Variants in NCOR1 observed in about 807,000 individuals in gnomAD.
NCOR1 encodes protein phosphatase 1, regulatory subunit 109.
Under a neutral mutation model 288.1 loss-of-function variants are expected in NCOR1, and 63 were observed. The ratio of observed to expected loss-of-function variants is 0.22; its 90% CI spans 0.18 to 0.27. The LOEUF (loss-of-function observed/expected upper bound fraction) is 0.27. Among genes scored for constraint, NCOR1 ranks in the 10% least tolerant of loss-of-function variants. The pLI, the probability that NCOR1 is intolerant of heterozygous loss-of-function variation, is 1.00. For synonymous variants in NCOR1, 1,007 were observed against 1,065.9 expected (o/e 0.94, Z 1.08); for missense variants, 2,397 against 3,019.2 (o/e 0.79, Z 4.83).
chr17:16,117,797 G>A, intron 18 of NCOR1, 91 bp downstream of exon 18: 1 of 1,356,080 alleles, frequency 7.4e-7, no homozygotes, highest in Non-Finnish European at 1.0e-6. Flanking sequence ...ACTCTAGCCT[G>A]GGTGATAGAG....
At chr17:16,175,035 T>C (rs7209928) in intron 3 of NCOR1, among the ~76,000 whole-genome samples, 1 of 128,578 alleles carries the variant, frequency 7.8e-6, no homozygotes, top group African/African-American at 3.0e-5. Flanking sequence ...AACTGTGGTA[T>C]AAAAAAAAAA....
At chr17:16,214,456 AATATAATTAGG>A (rs1342889582) in intron 1 of NCOR1, among the ~76,000 whole-genome samples, 3 of 152,210 alleles carry the variant, frequency 2.0e-5, no homozygotes, top group African/African-American at 7.2e-5. Flanking sequence ...TGTAAATTTC[AATATAATTAGG>A]ATATAATTAG....
In NCOR1 at chr17:16,068,860, C is replaced by T. The variant is rs529165055; in HGVS notation, c.4514-739G>A. Among the ~76,000 whole-genome samples, 10 of 151,918 alleles carry T rather than the reference C, an allele frequency of 6.6e-5. No homozygotes were observed. In the South Asian group the frequency reaches 1.3e-3, roughly 19 times the overall value. On this transcript the variant is annotated intron_variant, in intron 31 of 45. Coordinates refer to ENST00000268712, the MANE Select transcript of NCOR1 (RefSeq NM_006311.4). ...TCCCAAGTAGCTGGGACTACAGGAG[C>T]GCGCCACCATGCACGGCTAATTGTT...
Position 16,073,509 on chromosome 17 carries a change from T to C in NCOR1, c.3731A>G (p.Lys1244Arg), listed in dbSNP as rs2062006381. The change falls in exon 28 of 46, where the codon AAG becomes AGG. Residue 1244 changes from lysine (K) to arginine (R), a missense_variant. By Grantham distance (26) the Lys-to-Arg change is conservative. Around this residue, in one of 11 missense-constraint regions of NCOR1, gnomAD observed 1,872 missense variants for 2,187.8 expected, o/e 0.86. Transcript: ENST00000268712. ...SPRTAHEISL[K>R]RSYESVEGNI... ...TCCTTCCACTGATTCATAGCTTCTC[T>C]TTAAACTGATTTCATGAGCTGTTCT... The C allele has an allele frequency of 3.1e-6, 5 of 1,612,466 alleles. No homozygotes were observed. Among genetic ancestry groups the C allele is most frequent in the Non-Finnish European group, 4.2e-6 (5 of 1,179,208 alleles).
rs1215783962 is a variant in NCOR1 at position 16,143,729 on chromosome 17, A to G, written c.1083-33T>C. On this transcript the variant is annotated intron_variant, in intron 10 of 45. Transcript: ENST00000268712. ...TGAGGGAGAAATTAAAAATATATTTAAAGACCTTATATAAAGACATATCAA... is the reference window on the plus strand; with the variant it reads ...TGAGGGAGAAATTAAAAATATATTTGAAGACCTTATATAAAGACATATCAA... The G allele has an allele frequency of 4.0e-6, 6 of 1,482,252 alleles. No individual in the cohort carries two copies. In the South Asian group the frequency reaches 7.2e-5, roughly 18 times the overall value. 91.8% of individuals were successfully genotyped at this position (1,482,252 alleles called of 1,614,324 possible).
rs116484628 is a variant in NCOR1 at position 16,035,330 on chromosome 17, C to T, written c.6956-386G>A. 5.4e-3 allele frequency among the ~76,000 whole-genome samples: 821 copies of T among 152,246 alleles called. 5 individuals are homozygous for T. Among genetic ancestry groups the T allele is most frequent in the African/African-American group, 0.019 (779 of 41,512 alleles). On this transcript the variant is annotated intron_variant, in intron 44 of 45. Transcript: ENST00000268712. ...GATCCCTCAAACCCTTCTTTATTAACTGGGTTTATGTAATGTAGTATTCTA... is the reference window on the plus strand; with the variant it reads ...GATCCCTCAAACCCTTCTTTATTAATTGGGTTTATGTAATGTAGTATTCTA...
At chr17:16,064,659 A>G (rs1046104272) in intron 34 of NCOR1, among the ~76,000 whole-genome samples, 21 of 152,168 alleles carry the variant, frequency 1.4e-4, no homozygotes, top group Admixed American at 1.4e-3. Context: ...TTTTATTAAG[A>G]GTCCTGGATA....
chr17:16,108,255 C>A, intron 19 of NCOR1: 2 of 330,584 alleles, frequency 6.0e-6, no homozygotes, highest in South Asian at 2.7e-5. Flanking sequence ...TTTTTTCTTA[C>A]CAAAAAAATC....
intron 35 of NCOR1, among the ~76,000 whole-genome samples, chr17:16,062,577 T>G (rs1451115435): frequency 1.3e-5 from 2 of 152,224 alleles, no homozygotes; most frequent in Non-Finnish European, 2.9e-5. Flanking sequence ...CAAGAAGTAC[T>G]ACTACAAATC....
At chr17:16,074,731 G>C (rs2062192030) in intron 27 of NCOR1, among the ~76,000 whole-genome samples, 1 of 149,660 alleles carries the variant, frequency 6.7e-6, no homozygotes, top group African/African-American at 2.6e-5. Flanking sequence ...TCACATTTGA[G>C]TCATTCTTAT....
At chr17:16,169,974 G>T (rs994733328) in intron 4 of NCOR1, among the ~76,000 whole-genome samples, 3 of 152,014 alleles carry the variant, frequency 2.0e-5, no homozygotes, top group African/African-American at 7.2e-5. Flanking sequence ...TTACGGCAAA[G>T]AATTTTTCCC....
chr17:16,115,371 C>A (rs1332166908), intron 18 of NCOR1, among the ~76,000 whole-genome samples: 2 of 152,176 alleles, frequency 1.3e-5, no homozygotes, highest in Non-Finnish European at 2.9e-5. Flanking sequence ...ATATTCAGCT[C>A]CTCATTACTT....
intron 9 of NCOR1, among the ~76,000 whole-genome samples, chr17:16,147,041 A>T (rs1054298789): frequency 2.0e-5 from 3 of 152,240 alleles, no homozygotes; most frequent in African/African-American, 7.2e-5. Context: ...ATTTTTTGCT[A>T]TAATAAATAA....
intron 2 of NCOR1, 93 bp from the exon 3 acceptor site, chr17:16,186,780 A>C: frequency 9.0e-7 from 1 of 1,107,178 alleles, no homozygotes. Flanking sequence ...TGGGCCACTA[A>C]GTATGGAAAG....
At chr17:16,120,278 T>G (rs1437149511) in intron 16 of NCOR1, among the ~76,000 whole-genome samples, 1 of 152,156 alleles carries the variant, frequency 6.6e-6, no homozygotes, top group Admixed American at 6.5e-5. Context: ...TGCTATCAGT[T>G]AACTTCCAAA....
intron 14 of NCOR1, among the ~76,000 whole-genome samples, chr17:16,132,840 G>A (rs1038797777): frequency 1.1e-4 from 16 of 143,730 alleles, no homozygotes; most frequent in Non-Finnish European, 1.8e-4. Context: ...TGGGATTCTA[G>A]GCATGAGCCA....
chr17:16,195,043 AG>A (rs768550613), intron 1 of NCOR1, among the ~76,000 whole-genome samples: 1 of 152,240 alleles, frequency 6.6e-6, no homozygotes, highest in Non-Finnish European at 1.5e-5. Context: ...ATTTGTGCAG[AG>A]GGAAGTATTG....
intron 4 of NCOR1, among the ~76,000 whole-genome samples, chr17:16,167,371 C>T (rs1268936063): frequency 2.6e-5 from 4 of 151,382 alleles, no homozygotes; most frequent in Non-Finnish European, 5.9e-5. Flanking sequence ...AGATTCTTAC[C>T]TCATATCTTA....
In NCOR1 at chr17:16,098,101, G is replaced by A. The variant is rs114848816; in HGVS notation, c.2820+266C>T. On this transcript the variant is annotated intron_variant, in intron 21 of 45. Transcript: ENST00000268712. ...AGAACAGTGGTTACCAGTGGCAAGC[G>A]GCAGGAGGAAGAGAGGAGTTGTTTA... is the stretch of plus-strand genomic sequence containing the variant. Among the ~76,000 whole-genome samples, 1,485 of 152,276 alleles carry A rather than the reference G, an allele frequency of 9.8e-3. 22 individuals carry two copies. The highest frequency in any genetic ancestry group is 0.034 in the African/African-American group (1,393 of 41,548).
Sources: gnomAD v4.1 joint callset for allele counts (sites outside exome capture counted in the v4.1 genomes callset) on GRCh38, gnomAD v4.1.1 for gene constraint, gnomAD v4.1.1 regional missense constraint, MANE v1.5 for transcripts, NCBI Gene and HGNC (gene_info 2026-07-23, HGNC 2026-07-21) for gene names.